CSMD1: variants seen among roughly 807,000 people sequenced by gnomAD.
CSMD1 encodes the protein CUB and sushi domain-containing protein 1.
In CSMD1, 213 loss-of-function variants were observed where a neutral mutation model predicts 417.5. The ratio of observed to expected loss-of-function variants is 0.51; its 90% CI spans 0.46 to 0.57. The LOEUF (loss-of-function observed/expected upper bound fraction) is 0.57. Ranked by LOEUF, CSMD1 falls within the 20% of genes least tolerant of loss-of-function variation. CSMD1 has a pLI of 0.00. For synonymous variants in CSMD1, 2,862 were observed against 1,736.8 expected (o/e 1.65, Z -16.11); for missense variants, 6,923 against 4,529.7 (o/e 1.53, Z -15.17).
At chr8:3,822,748 G>T (rs1355289788) in intron 5 of CSMD1, among the ~76,000 whole-genome samples, 1 of 152,136 alleles carries the variant, frequency 6.6e-6, no homozygotes, top group African/African-American at 2.4e-5. Flanking sequence ...GCACCAAAGT[G>T]GAAATACAGG....
At chr8:3,931,893 G>T (rs1810173922) in intron 5 of CSMD1, among the ~76,000 whole-genome samples, 2 of 141,762 alleles carry the variant, frequency 1.4e-5, no homozygotes, top group Admixed American at 1.4e-4. Context: ...GACATTGTAG[G>T]AAAAGAAACA....
intron 1 of CSMD1, among the ~76,000 whole-genome samples, chr8:4,953,332 C>G (rs1172855908): frequency 6.6e-6 from 1 of 152,064 alleles, no homozygotes; most frequent in Non-Finnish European, 1.5e-5. Flanking sequence ...CTTGTTGTAA[C>G]TTTTCATTAA....
chr8:4,583,160 C>G (rs563724166), intron 2 of CSMD1, among the ~76,000 whole-genome samples: 1 of 152,192 alleles, frequency 6.6e-6, no homozygotes, highest in Admixed American at 6.5e-5. Context: ...CGAGCACCAT[C>G]CTCTGCTCCA....
intron 2 of CSMD1, among the ~76,000 whole-genome samples, chr8:4,422,480 A>G (rs899508990): frequency 1.3e-5 from 2 of 152,108 alleles, no homozygotes; most frequent in Non-Finnish European, 2.9e-5. Context: ...AGAAAAGAGA[A>G]GGATTCCTTT....
chr8:3,907,087 T>G (rs938582520), intron 5 of CSMD1, among the ~76,000 whole-genome samples: 8 of 152,320 alleles, frequency 5.3e-5, no homozygotes, highest in Admixed American at 4.6e-4. Flanking sequence ...TCACATCCCA[T>G]GACTCAAAAT....
rs538541196 is a variant in CSMD1, at chr8:4,092,718, T to C, written c.416-60619A>G. On this transcript the variant is annotated intron_variant, in intron 3 of 69. Transcript: ENST00000635120. ...CCTTAATGTGATTTTTGAAATAATT[T>C]TGACAACTTTTTAACTTCCACATTT... Among the ~76,000 whole-genome samples the C allele has an allele frequency of 3.3e-5, 5 of 152,310 alleles. No individual in the cohort carries two copies. The South Asian group carries it at 8.3e-4, about 25-fold the overall frequency.
intron 2 of CSMD1, among the ~76,000 whole-genome samples, chr8:4,527,839 G>A (rs1455663863): frequency 3.3e-5 from 5 of 152,182 alleles, no homozygotes; most frequent in African/African-American, 1.2e-4. Flanking sequence ...TTTTCAGCCT[G>A]TGTCTTTAAA....
chr8:4,401,433 G>A (rs1177507386), intron 3 of CSMD1, among the ~76,000 whole-genome samples: 2 of 152,118 alleles, frequency 1.3e-5, no homozygotes, highest in Non-Finnish European at 2.9e-5. Context: ...ATTTGGACAT[G>A]TTTTAAAAAC....
intron 7 of CSMD1, among the ~76,000 whole-genome samples, chr8:3,630,447 C>A (rs1237837146): frequency 6.6e-6 from 1 of 152,080 alleles, no homozygotes; most frequent in African/African-American, 2.4e-5. Flanking sequence ...AACTTGAGAA[C>A]AAGAAAGAAG....
At chr8:3,661,229 T>G (rs1798401644) in intron 7 of CSMD1, among the ~76,000 whole-genome samples, 1 of 152,170 alleles carries the variant, frequency 6.6e-6, no homozygotes, top group African/African-American at 2.4e-5. Context: ...AGTATGCATC[T>G]GTAACAAGAG....
At chr8:3,508,707 G>T (rs1025228936) in intron 10 of CSMD1, among the ~76,000 whole-genome samples, 1 of 151,992 alleles carries the variant, frequency 6.6e-6, no homozygotes, top group Non-Finnish European at 1.5e-5. Context: ...CGAGTTTTAT[G>T]TCATGAATAT....
chr8:3,875,386 G>A (rs574584531), intron 5 of CSMD1, among the ~76,000 whole-genome samples: 14 of 152,270 alleles, frequency 9.2e-5, no homozygotes, highest in Middle Eastern at 6.8e-3. Context: ...CGACTTCTGC[G>A]TAGACATGGT....
In CSMD1 at chr8:4,465,235, T is replaced by G. The variant is rs561349983; in HGVS notation, c.303-45170A>C. ...AAAGTATACACATTTGCTCTGAAGT[T>G]TGAGTATGTGTCTCTTTCATCTTTT... On this transcript the variant is annotated intron_variant, in intron 2 of 69. Coordinates refer to ENST00000635120, the MANE Select transcript of CSMD1 (RefSeq NM_033225.6). Among the ~76,000 whole-genome samples the G allele has an allele frequency of 2.6e-5, 4 of 152,248 alleles. No homozygotes were observed. The South Asian group carries it at 8.3e-4, about 32-fold the overall frequency.
intron 5 of CSMD1, among the ~76,000 whole-genome samples, chr8:3,908,524 A>C (rs1808257666): frequency 2.0e-5 from 3 of 152,086 alleles, no homozygotes; most frequent in Admixed American, 2.0e-4. Flanking sequence ...CAAAACAAAA[A>C]AACTCCTAAC....
intron 3 of CSMD1, among the ~76,000 whole-genome samples, chr8:4,261,647 C>T (rs1452605102): frequency 6.6e-6 from 1 of 152,032 alleles, no homozygotes; most frequent in Non-Finnish European, 1.5e-5. Context: ...TAGGCTCAGG[C>T]AATCCTGCCA....
At chr8:4,111,063 T>A (rs1412254245) in intron 3 of CSMD1, among the ~76,000 whole-genome samples, 1 of 152,168 alleles carries the variant, frequency 6.6e-6, no homozygotes. Flanking sequence ...TTGCACCGCA[T>A]GGAAAAATCT....
At chr8:2,979,438 A>G (rs1805217988) in intron 54 of CSMD1, among the ~76,000 whole-genome samples, 1 of 152,238 alleles carries the variant, frequency 6.6e-6, no homozygotes, top group African/African-American at 2.4e-5. Flanking sequence ...ATTAGCCTGA[A>G]TGCCTGTTGG....
intron 5 of CSMD1, among the ~76,000 whole-genome samples, chr8:3,853,785 G>T (rs1012437351): frequency 6.6e-6 from 1 of 150,806 alleles, no homozygotes. Context: ...CGAGTTACTG[G>T]GTGCAGCACA....
intron 36 of CSMD1, among the ~76,000 whole-genome samples, chr8:3,185,651 G>A (rs1197693765): frequency 2.0e-5 from 3 of 152,144 alleles, no homozygotes; most frequent in Non-Finnish European, 4.4e-5. Flanking sequence ...TTAATATGAG[G>A]TTGCTGTACA....
Sources: gnomAD v4.1 joint callset for allele counts (sites outside exome capture counted in the v4.1 genomes callset) on GRCh38, gnomAD v4.1.1 for gene constraint, MANE v1.5 for transcripts, NCBI Gene and HGNC (gene_info 2026-07-23, HGNC 2026-07-21) for gene names.